SPATC1L: variants seen among roughly 807,000 people sequenced by gnomAD.
SPATC1L encodes the protein speriolin-like protein.
Under a neutral mutation model 21.2 loss-of-function variants are expected in SPATC1L, and 20 were observed. The observed-to-expected ratio is 0.94, with a 90% CI of 0.66 to 1.37. The LOEUF is 1.37. Ranked by LOEUF, SPATC1L falls within the 40% of genes most tolerant of loss-of-function variation. SPATC1L has a pLI of 0.00. For missense variants in SPATC1L, 499 were observed against 478.7 expected (o/e 1.04, Z -0.40); for synonymous variants, 290 against 234.5 (o/e 1.24, Z -2.16).
intron 2 of SPATC1L, among the ~76,000 whole-genome samples, chr21:46,172,135 G>GAGGCGGGGGATGCACAGAGCA (rs2079597352): frequency 1.3e-4 from 2 of 14,816 alleles, no homozygotes; most frequent in South Asian, 9.4e-3. Flanking sequence ...TGCACAGAGT[G>GAGGCGGGGGATGCACAGAGCA]TGAGGTGGGG....
chr21:46,167,047 C>A (rs1025879126), intron 3 of SPATC1L, among the ~76,000 whole-genome samples: 2 of 151,914 alleles, frequency 1.3e-5, no homozygotes, highest in East Asian at 1.9e-4. Flanking sequence ...CTTTAAAAAT[C>A]AAAAAAATTG....
In SPATC1L at chr21:46,161,457, GA is replaced by G. The variant is rs780788956; in HGVS notation, c.944del (p.Phe315SerfsTer?). On this transcript the variant is annotated frameshift_variant, in exon 5 of 5. Transcript: ENST00000291672. LOFTEE classifies it high-confidence loss of function. ...TGAGCAGCAGCAGCGAGTCGCCCAG[GA>G]ACTTGGGGGGCACCACGTCGATGAC... is the stretch of plus-strand genomic sequence containing the variant. ...KLVIDVVPPK[F>X]LGDSLLLLNC... The G allele has an allele frequency of 4.3e-5, 69 of 1,593,416 alleles. No homozygotes were observed. The highest frequency in any genetic ancestry group is 4.0e-4 in the Admixed American group (24 of 59,492).
chr21:46,177,967 C>G (rs546112890), intron 2 of SPATC1L, among the ~76,000 whole-genome samples: 30 of 152,302 alleles, frequency 2.0e-4, no homozygotes, highest in Non-Finnish European at 4.0e-4. Context: ...GGAGCAGTGG[C>G]TCATGCCTGT....
rs373299805 is a variant in SPATC1L at position 46,168,447 on chromosome 21, C to A, written c.405G>T (p.Pro135=). ...GTGAGTCTTGCAAGGGGCTCAGGAG[C>A]GGGGACAGCTTCCTGTCGGTGCCTC... ...SHRGTDRKLS[P]LLSPLQDSLV... The change falls in exon 3 of 5, where the codon CCG becomes CCT. Residue 135 remains proline (P), a synonymous_variant. Transcript: ENST00000291672. 1.2e-6 allele frequency: 2 copies of A among 1,605,736 alleles called. No homozygotes were observed. The highest frequency in any genetic ancestry group is 2.7e-5 in the African/African-American group (2 of 74,668).
intron 2 of SPATC1L, among the ~76,000 whole-genome samples, chr21:46,177,971 T>C (rs1266820619): frequency 6.6e-6 from 1 of 152,170 alleles, no homozygotes; most frequent in East Asian, 1.9e-4. Flanking sequence ...CAGTGGCTCA[T>C]GCCTGTAATC....
chr21:46,179,083 A>G lies in SPATC1L; in HGVS notation c.193+3541T>C, dbSNP rs962171894. Among the ~76,000 whole-genome samples, 299 of 140,706 alleles carry G rather than the reference A, an allele frequency of 2.1e-3. 2 individuals are homozygous for G. Among genetic ancestry groups the G allele is most frequent in the African/African-American group, 8.2e-3 (284 of 34,616 alleles). 92.3% of individuals were successfully genotyped at this position (140,706 alleles called of 152,430 possible). A position where few individuals can be genotyped will look rare whatever the true frequency, so the allele number is the denominator to read the frequency against. ...GGGAGACCCTGTCTCTACAAAAAAA[A>G]AAAAAAAATTTTTAACTAGCCGCTC... On this transcript the variant is annotated intron_variant, in intron 2 of 4. Transcript: ENST00000291672.
At chr21:46,163,655 C>G (rs2079519275) in intron 3 of SPATC1L, among the ~76,000 whole-genome samples, 1 of 152,192 alleles carries the variant, frequency 6.6e-6, no homozygotes, top group South Asian at 2.1e-4. Flanking sequence ...CATCTATGTA[C>G]AGTTTTATTT....
intron 2 of SPATC1L, among the ~76,000 whole-genome samples, chr21:46,173,753 C>T (rs2079609772): frequency 6.6e-6 from 1 of 152,290 alleles, no homozygotes; most frequent in South Asian, 2.1e-4. Flanking sequence ...CCCCCCATCC[C>T]CACCCCAGCT....
In SPATC1L at chr21:46,182,890, C is replaced by A; in HGVS notation, c.-74G>T. 7.1e-7 allele frequency: 1 copy of A among 1,400,810 alleles called. No homozygotes were observed. The highest frequency in any genetic ancestry group is 1.5e-5 in the African/African-American group (1 of 68,826). The allele number at this position is 1,400,810 out of a possible 1,614,324, so 86.8% of individuals were successfully genotyped here. A position where few individuals can be genotyped will look rare whatever the true frequency, so the allele number is the denominator to read the frequency against. Reference sequence around the variant, plus strand: ...GGTGGGAGCCCAGAGCCCGCAGGCACCACAGAAACAGCCCAGGCACGGAGT... The same window carrying A: ...GGTGGGAGCCCAGAGCCCGCAGGCAACACAGAAACAGCCCAGGCACGGAGT... On this transcript the variant is annotated 5_prime_UTR_variant, in exon 2 of 5. Transcript: ENST00000291672.
At chr21:46,182,067 G>A (rs1430110494) in intron 2 of SPATC1L, among the ~76,000 whole-genome samples, 2 of 152,288 alleles carry the variant, frequency 1.3e-5, no homozygotes, top group South Asian at 2.1e-4. Context: ...TCCCAGCCCC[G>A]CAGGGACAGG....
chr21:46,168,784 C>G (rs1004514339), intron 2 of SPATC1L, 126 bp from the exon 3 acceptor site: 9 of 546,608 alleles, frequency 1.6e-5, no homozygotes, highest in Admixed American at 1.6e-4. Context: ...CCGGGGTTTC[C>G]CTGGCTTCAG....
Position 46,183,288 on chromosome 21 carries a change from C to T in SPATC1L, c.-472G>A. ...TGCCCAGGACACAGGGTTCCCAGTG[C>T]AGCTTCCTGTGGACCCTGGCACCCA... is the stretch of plus-strand genomic sequence containing the variant. On this transcript the variant is annotated 5_prime_UTR_variant, in exon 2 of 5. Transcript: ENST00000291672. 5.8e-6 allele frequency: 1 copy of T among 171,120 alleles called. No homozygotes were observed. The allele number at this position is 171,120 out of a possible 1,614,324, so 10.6% of individuals were successfully genotyped here. A position where few individuals can be genotyped will look rare whatever the true frequency, so the allele number is the denominator to read the frequency against.
Position 46,182,681 on chromosome 21 carries a change from C to A in SPATC1L, c.136G>T (p.Asp46Tyr), listed in dbSNP as rs1300363690. The A allele has an allele frequency of 4.5e-6, 7 of 1,542,380 alleles. No homozygotes were observed. In the South Asian group the frequency reaches 6.0e-5, roughly 13 times the overall value. The stretch of plus-strand genomic sequence containing the variant: ...GCATGCGCCCTGGGTGGGAGCAGGT[C>A]GTGGCCGCCGCCCTCCTGGCAGCTC... ...SQSCQEGGGH[D>Y]LLPPRAHAYP... The change falls in exon 2 of 5, where the codon GAC becomes TAC. Residue 46 changes from aspartate (D) to tyrosine (Y), a missense_variant. Coordinates refer to ENST00000291672, the MANE Select transcript of SPATC1L (RefSeq NM_001142854.2).
intron 2 of SPATC1L, among the ~76,000 whole-genome samples, chr21:46,168,908 G>A (rs970331954): frequency 2.6e-5 from 4 of 152,240 alleles, no homozygotes; most frequent in East Asian, 1.9e-4. Context: ...CACAGCAAGC[G>A]GGCAGGCCTC....
At position 46,164,794 on chromosome 21, in the gene SPATC1L, G is replaced by GAAAAAAAAA. The variant is rs72042671; in HGVS notation, c.545-2736_545-2728dup. Reference sequence around the variant, plus strand: ...GCGACAGAGCGAGACTCCATCTCAAGAAAAAAAAAAAAAAAAAGAATCAAG... The same window carrying GAAAAAAAAA: ...GCGACAGAGCGAGACTCCATCTCAAGAAAAAAAAAAAAAAAAAAAAAAAAAAGAATCAAG... On this transcript the variant is annotated intron_variant, in intron 3 of 4. Coordinates refer to ENST00000291672, the MANE Select transcript of SPATC1L (RefSeq NM_001142854.2). Among the ~76,000 whole-genome samples the GAAAAAAAAA allele has an allele frequency of 4.4e-3, 376 of 86,370 alleles. 12 individuals carry two copies. The South Asian group carries it at 0.064, about 15-fold the overall frequency. The allele number at this position is 86,370 out of a possible 152,430, so 56.7% of individuals were successfully genotyped here.
chr21:46,164,835 C>G (rs2079529144), intron 3 of SPATC1L, among the ~76,000 whole-genome samples: 1 of 151,232 alleles, frequency 6.6e-6, no homozygotes, highest in Non-Finnish European at 1.5e-5. Context: ...TCTCCCATCC[C>G]CCCACCAAGG....
intron 2 of SPATC1L, among the ~76,000 whole-genome samples, chr21:46,170,068 T>A (rs2079573598): frequency 1.1e-5 from 1 of 92,432 alleles, no homozygotes; most frequent in Non-Finnish European, 2.2e-5. Context: ...TCTGTGAGCA[T>A]CCTCTGTGGA....
At chr21:46,173,915 GT>G (rs989837432) in intron 2 of SPATC1L, among the ~76,000 whole-genome samples, 2 of 152,114 alleles carry the variant, frequency 1.3e-5, no homozygotes, top group Non-Finnish European at 2.9e-5. Flanking sequence ...CCCAAAACAA[GT>G]CCCCCAGAGC....
Position 46,182,657 on chromosome 21 carries a change from C to A in SPATC1L, c.160G>T (p.Ala54Ser). The change falls in exon 2 of 5, where the codon GCC (alanine) becomes TCC (serine). Residue 54 changes from alanine to serine, a missense_variant. Coordinates refer to ENST00000291672, the MANE Select transcript of SPATC1L (RefSeq NM_001142854.2). ...CCGGGGGAGCCGGCCTCAGGGTAGG[C>A]ATGCGCCCTGGGTGGGAGCAGGTCG... ...GHDLLPPRAH[A>S]YPEAGSPGSG... 3.3e-6 allele frequency: 5 copies of A among 1,537,772 alleles called. No homozygotes were observed. In the South Asian group the frequency reaches 3.6e-5, roughly 11 times the overall value.
Sources: gnomAD v4.1 joint callset for allele counts (sites outside exome capture counted in the v4.1 genomes callset) on GRCh38, gnomAD v4.1.1 for gene constraint, MANE v1.5 for transcripts, NCBI Gene and HGNC (gene_info 2026-07-23, HGNC 2026-07-21) for gene names.